ARB2A: variants seen among roughly 807,000 people sequenced by gnomAD.
ARB2A encodes the protein cotranscriptional regulator ARB2A.
the ARB2A span, among the ~76,000 whole-genome samples, chr5:93,647,036 T>A: frequency 1.3e-5 from 2 of 152,304 alleles, no homozygotes; most frequent in South Asian, 4.1e-4. Flanking sequence ...GCAAATATCA[T>A]GCCCTTCAGT....
chr5:93,673,065 TAAAGGA>T, the ARB2A span, among the ~76,000 whole-genome samples: 1 of 152,234 alleles, frequency 6.6e-6, no homozygotes, highest in African/African-American at 2.4e-5. Context: ...TATCACTTGA[TAAAGGA>T]AAAGTTTCTG....
At chr5:94,038,494 T>C in the ARB2A span, among the ~76,000 whole-genome samples, 1 of 152,096 alleles carries the variant, frequency 6.6e-6, no homozygotes, top group Admixed American at 6.5e-5. Context: ...TATAAAAATA[T>C]ATACATATTA....
the ARB2A span, among the ~76,000 whole-genome samples, chr5:94,095,802 G>T: frequency 6.6e-6 from 1 of 151,984 alleles, no homozygotes; most frequent in African/African-American, 2.4e-5. Flanking sequence ...AGTCTAGATT[G>T]CCTTATCACT....
chr5:93,945,764 T>C, the ARB2A span, among the ~76,000 whole-genome samples: 6 of 152,112 alleles, frequency 3.9e-5, no homozygotes, highest in Non-Finnish European at 7.4e-5. Context: ...CTAAAGATCA[T>C]GAGTGAATAT....
At chr5:93,918,734 C>G in the ARB2A span, among the ~76,000 whole-genome samples, 1 of 152,080 alleles carries the variant, frequency 6.6e-6, no homozygotes, top group African/African-American at 2.4e-5. Context: ...AAATTTCAAA[C>G]TCTGTGTTCT....
chr5:93,716,138 G>T, the ARB2A span, among the ~76,000 whole-genome samples: 1 of 152,174 alleles, frequency 6.6e-6, no homozygotes, highest in Non-Finnish European at 1.5e-5. Context: ...AAGGTGAAGA[G>T]AAGAGCAAAC....
At chr5:93,989,296 T>A in the ARB2A span, among the ~76,000 whole-genome samples, 1 of 152,332 alleles carries the variant, frequency 6.6e-6, no homozygotes, top group South Asian at 2.1e-4. Context: ...TTCTTCCTTA[T>A]TAATTCATTT....
At chr5:94,014,512 AC>A in the ARB2A span, among the ~76,000 whole-genome samples, 8 of 152,352 alleles carry the variant, frequency 5.3e-5, no homozygotes, top group South Asian at 1.7e-3. Flanking sequence ...ACAACAGCAA[AC>A]AGGGAACCAT....
At chr5:93,828,399 T>C in the ARB2A span, among the ~76,000 whole-genome samples, 2 of 152,200 alleles carry the variant, frequency 1.3e-5, no homozygotes, top group Non-Finnish European at 2.9e-5. Context: ...TGTTTGTCTG[T>C]TATTGGTGTA....
At chr5:93,629,766 T>C in the ARB2A span, among the ~76,000 whole-genome samples, 1 of 152,210 alleles carries the variant, frequency 6.6e-6, no homozygotes, top group Non-Finnish European at 1.5e-5. Context: ...ACTAGAAAGA[T>C]ATGAAACACA....
the ARB2A span, among the ~76,000 whole-genome samples, chr5:94,007,813 A>G: frequency 6.6e-6 from 1 of 152,122 alleles, no homozygotes; most frequent in Admixed American, 6.5e-5. Context: ...CACATGTCTA[A>G]AACAAAGGAC....
the ARB2A span, among the ~76,000 whole-genome samples, chr5:93,758,523 G>T: frequency 6.6e-6 from 1 of 152,032 alleles, no homozygotes; most frequent in South Asian, 2.1e-4. Context: ...ATAAATTTAA[G>T]AAAGAAATTA....
the ARB2A span, among the ~76,000 whole-genome samples, chr5:94,049,906 G>T: frequency 6.6e-6 from 1 of 152,032 alleles, no homozygotes; most frequent in Non-Finnish European, 1.5e-5. Flanking sequence ...AAATATTATA[G>T]TCATGGGAAG....
At chr5:94,050,567 T>C in the ARB2A span, among the ~76,000 whole-genome samples, 3 of 150,378 alleles carry the variant, frequency 2.0e-5, no homozygotes, top group Admixed American at 1.3e-4. Flanking sequence ...AAACTGAGAA[T>C]ATGCTTCTAA....
chr5:93,702,013 T>C, the ARB2A span, among the ~76,000 whole-genome samples: 27 of 152,242 alleles, frequency 1.8e-4, no homozygotes, highest in East Asian at 5.2e-3. Context: ...AGACTAAGAG[T>C]GGCAGGAATT....
At chr5:94,065,165 T>C in the ARB2A span, among the ~76,000 whole-genome samples, 4 of 152,318 alleles carry the variant, frequency 2.6e-5, 1 homozygote, top group Admixed American at 2.6e-4. Flanking sequence ...ACATGCTGAC[T>C]ACAAAACACT....
the ARB2A span, among the ~76,000 whole-genome samples, chr5:93,850,481 G>C: frequency 6.6e-6 from 1 of 152,132 alleles, no homozygotes; most frequent in South Asian, 2.1e-4. Context: ...ATTATGATCA[G>C]GATGCTGTGA....
chr5:93,701,041 G>A, the ARB2A span, among the ~76,000 whole-genome samples: 1 of 152,112 alleles, frequency 6.6e-6, no homozygotes, highest in African/African-American at 2.4e-5. Context: ...TCATATTGTG[G>A]GGAATGTGTT....
the ARB2A span, among the ~76,000 whole-genome samples, chr5:93,972,180 C>G: frequency 1.3e-5 from 2 of 152,070 alleles, no homozygotes; most frequent in Non-Finnish European, 2.9e-5. Flanking sequence ...TCATGCTTCT[C>G]CATTGCCTCT....
Sources: gnomAD v4.1 joint callset for allele counts (sites outside exome capture counted in the v4.1 genomes callset) on GRCh38, gnomAD v4.1.1 for gene constraint, MANE v1.5 for transcripts, NCBI Gene and HGNC (gene_info 2026-07-23, HGNC 2026-07-21) for gene names.